Variants in FAM171B observed in about 807,000 individuals in gnomAD.
FAM171B encodes family with sequence similarity 171 member B.
FAM171B carries 19 observed loss-of-function variants against 75.6 expected under a neutral mutation model. The ratio of observed to expected loss-of-function variants is 0.25; its 90% CI spans 0.18 to 0.37. The LOEUF is 0.37. Among genes scored for constraint, FAM171B ranks in the 10% least tolerant of loss-of-function variants. The pLI, the probability that FAM171B is intolerant of heterozygous loss-of-function variation, is 1.00. For synonymous variants in FAM171B, 367 were observed against 361.7 expected, an observed-to-expected ratio of 1.01 and a Z score of -0.17; for missense variants, 848 against 982.4, an observed-to-expected ratio of 0.86 and a Z score of 1.83.
chr2:186,761,513 A>T lies in FAM171B; in HGVS notation c.1171A>T (p.Asn391Tyr). ...KCGTPQKRER[N>Y]ITKLEVLKRD... ...TGGTACTCCACAGAAAAGAGAAAGAAATATCACTAAACTTGAGGTCCTCAA... is the reference window on the plus strand; with the variant it reads ...TGGTACTCCACAGAAAAGAGAAAGATATATCACTAAACTTGAGGTCCTCAA... Residue 391 changes from asparagine to tyrosine, a missense_variant, in exon 8 of 8, where the codon AAT becomes TAT. By Grantham distance (143) the Asn-to-Tyr change is moderately radical (BLOSUM62 -2). Transcript: ENST00000304698. The T allele has an allele frequency of 1.3e-6, 2 of 1,586,074 alleles. No homozygotes were observed. The highest frequency in any genetic ancestry group is 8.5e-7 in the Non-Finnish European group (1 of 1,171,902).
intron 4 of FAM171B, 70 bp downstream of exon 4, chr2:186,747,320 G>A: frequency 1.8e-6 from 2 of 1,103,040 alleles, no homozygotes; most frequent in Non-Finnish European, 2.5e-6. Context: ...CAAATATTTA[G>A]CTATCTATAA....
At chr2:186,754,084 A>G in intron 6 of FAM171B, 35 bp downstream of exon 6, 1 of 1,476,038 alleles carries the variant, frequency 6.8e-7, no homozygotes, top group Admixed American at 1.9e-5. Context: ...AAAACATGTA[A>G]TTCAAATAGT....
chr2:186,732,356 C>T (rs972292618), intron 1 of FAM171B, among the ~76,000 whole-genome samples: 2 of 151,884 alleles, frequency 1.3e-5, no homozygotes, highest in South Asian at 2.1e-4. Flanking sequence ...GTAGTGTCAC[C>T]CCAAGCCCCA....
At chr2:186,727,602 G>T (rs1053914549) in intron 1 of FAM171B, among the ~76,000 whole-genome samples, 1 of 152,166 alleles carries the variant, frequency 6.6e-6, no homozygotes. Flanking sequence ...TACAAAATCA[G>T]AGTGGGTCAG....
chr2:186,706,006 C>G (rs1689728924), intron 1 of FAM171B, among the ~76,000 whole-genome samples: 1 of 152,170 alleles, frequency 6.6e-6, no homozygotes, highest in Non-Finnish European at 1.5e-5. Context: ...TCCAGAAACT[C>G]TCTGCATTTT....
Position 186,762,774 on chromosome 2 carries a change from C to T in FAM171B, c.2432C>T (p.Thr811Ile). 6.2e-7 allele frequency: 1 copy of T among 1,613,204 alleles called. No individual in the cohort carries two copies. Among genetic ancestry groups the T allele is most frequent in the Non-Finnish European group, 8.5e-7 (1 of 1,179,518 alleles). The change falls in exon 8 of 8, where the codon ACT becomes ATT. Residue 811 changes from threonine (T) to isoleucine (I), a missense_variant. Thr to Ile is a moderately conservative substitution (Grantham distance 89). Coordinates refer to ENST00000304698, the MANE Select transcript of FAM171B (RefSeq NM_177454.4). This position sits in a 1 kb window ranked among gnomAD's most constrained non-coding sequence, Gnocchi z 4.0. Reference protein sequence around the residue: ...RPPLAKRDSKTNIWKKREERP... With the variant: ...RPPLAKRDSKINIWKKREERP... ...CCACTAGCCAAAAGAGATAGCAAGACTAACATCTGGAAGAAGCGAGAGGAA... is the reference window on the plus strand; with the variant it reads ...CCACTAGCCAAAAGAGATAGCAAGATTAACATCTGGAAGAAGCGAGAGGAA...
At chr2:186,750,611 G>A (rs930468416) in intron 4 of FAM171B, among the ~76,000 whole-genome samples, 1 of 148,334 alleles carries the variant, frequency 6.7e-6, no homozygotes, top group Non-Finnish European at 1.5e-5. Context: ...TGCTTTTTAT[G>A]TAAGAAGTGC....
intron 4 of FAM171B, 78 bp from the exon 5 acceptor site, chr2:186,751,056 T>C (rs1471088365): frequency 1.8e-6 from 2 of 1,104,850 alleles, no homozygotes; most frequent in Admixed American, 4.7e-5. Context: ...AGAGGAACTA[T>C]TTATTTTAGA....
chr2:186,729,764 A>T (rs1690086725), intron 1 of FAM171B, among the ~76,000 whole-genome samples: 1 of 152,084 alleles, frequency 6.6e-6, no homozygotes. Flanking sequence ...AGGCTCAGAG[A>T]GTCAGTGAAT....
In FAM171B at chr2:186,705,892, C is replaced by T. The variant is rs568903820; in HGVS notation, c.238+11481C>T. Among the ~76,000 whole-genome samples the T allele has an allele frequency of 5.9e-4, 90 of 152,298 alleles. 1 individual carries two copies. The highest frequency in any genetic ancestry group is 1.9e-3 in the Admixed American group (29 of 15,296). On this transcript the variant is annotated intron_variant, in intron 1 of 7. Transcript: ENST00000304698. ...ATGTAATAAATATCTTCTGATAAAT[C>T]GCATGACTTGAAATTGATTCATATC...
At chr2:186,716,319 CTCTTT>C (rs1430450442) in intron 1 of FAM171B, among the ~76,000 whole-genome samples, 1 of 152,198 alleles carries the variant, frequency 6.6e-6, no homozygotes, top group Non-Finnish European at 1.5e-5. Flanking sequence ...TGGCCTCTCT[CTCTTT>C]TAAGAAATAA....
At chr2:186,716,404 G>A (rs1346022152) in intron 1 of FAM171B, among the ~76,000 whole-genome samples, 2 of 152,100 alleles carry the variant, frequency 1.3e-5, no homozygotes, top group Non-Finnish European at 2.9e-5. Context: ...TCACTGTCTT[G>A]AATTGGTGTC....
Position 186,762,532 on chromosome 2 carries a change from G to C in FAM171B, c.2190G>C (p.Met730Ile). The C allele has an allele frequency of 6.2e-7, 1 of 1,613,562 alleles. No individual in the cohort carries two copies. The highest frequency in any genetic ancestry group is 8.5e-7 in the Non-Finnish European group (1 of 1,179,716). Residue 730 changes from methionine (M) to isoleucine (I), a missense_variant, in exon 8 of 8, where the codon ATG becomes ATC. By Grantham distance (10) the Met-to-Ile change is conservative. Transcript: ENST00000304698. The surrounding 1 kb of genome is among the most constrained non-coding windows in gnomAD (Gnocchi z 4.0). ...LEREKTFIKS[M>I]HQPKILYLED... ...GGGAGAAAACATTCATCAAAAGCATGCATCAGCCCAAGATCCTTTACTTAG... is the reference window on the plus strand; with the variant it reads ...GGGAGAAAACATTCATCAAAAGCATCCATCAGCCCAAGATCCTTTACTTAG...
chr2:186,748,310 C>CTT (rs74268937), intron 4 of FAM171B, among the ~76,000 whole-genome samples: 71 of 140,730 alleles, frequency 5.0e-4, no homozygotes, highest in South Asian at 3.2e-3. Context: ...CTGATAGTTT[C>CTT]TTTTTTTTTT....
chr2:186,742,843 A>T (rs920171588), intron 2 of FAM171B, among the ~76,000 whole-genome samples: 11 of 152,222 alleles, frequency 7.2e-5, no homozygotes, highest in African/African-American at 2.4e-4. Flanking sequence ...TTGAAATAAT[A>T]TCTTTCAGGT....
Position 186,761,638 on chromosome 2 carries a change from C to T in FAM171B, c.1296C>T (p.Asn432=). 1 of 1,613,180 alleles carries T rather than the reference C, an allele frequency of 6.2e-7. No homozygotes were observed. Among genetic ancestry groups the T allele is most frequent in the African/African-American group, 1.3e-5 (1 of 74,980 alleles). The part of the protein sequence containing the change: ...EDKSQLFNAK[N]SSYSPQKKEP... ...AGTCGCAGTTATTCAATGCCAAAAACTCCTCATATAGTCCTCAGAAAAAGG... is the reference window on the plus strand; with the variant it reads ...AGTCGCAGTTATTCAATGCCAAAAATTCCTCATATAGTCCTCAGAAAAAGG... Residue 432 remains asparagine (N), a synonymous_variant, in exon 8 of 8, where the codon AAC becomes AAT. Transcript: ENST00000304698.
Position 186,762,936 on chromosome 2 carries a change from A to G in FAM171B, c.*113A>G, listed in dbSNP as rs147705118. On this transcript the variant is annotated 3_prime_UTR_variant, in exon 8 of 8. Coordinates refer to ENST00000304698, the MANE Select transcript of FAM171B (RefSeq NM_177454.4). This position sits in a 1 kb window ranked among gnomAD's most constrained non-coding sequence, Gnocchi z 4.0. ...CTGAGCAATCTCATGGTTCTTGGAC[A>G]TGTCTCAAGCAGAGTAAATGGTAAT... The G allele has an allele frequency of 9.1e-5, 118 of 1,295,360 alleles. No homozygotes were observed. The African/African-American group carries it at 1.2e-3, about 13-fold the overall frequency. 80.2% of individuals were successfully genotyped at this position (1,295,360 alleles called of 1,614,324 possible).
chr2:186,751,352 A>G (rs775077122), intron 5 of FAM171B, 48 bp downstream of exon 5: 29 of 1,433,336 alleles, frequency 2.0e-5, no homozygotes, highest in East Asian at 2.3e-5. Context: ...ATATTTGTCA[A>G]TTGACTAGCT....
Position 186,762,591 on chromosome 2 carries a change from C to T in FAM171B, c.2249C>T (p.Thr750Ile), listed in dbSNP as rs1272772674. 6.2e-7 allele frequency: 1 copy of T among 1,613,262 alleles called. No individual in the cohort carries two copies. The highest frequency in any genetic ancestry group is 1.3e-5 in the African/African-American group (1 of 74,788). ...DLDLSSSESG[T>I]TVCSPEDPAL... ...GACCTAAGCAGCAGTGAGAGTGGAA[C>T]CACCGTCTGTTCCCCTGAGGACCCA... The change falls in exon 8 of 8, where the codon ACC becomes ATC. Residue 750 changes from threonine to isoleucine, a missense_variant. Coordinates refer to ENST00000304698, the MANE Select transcript of FAM171B (RefSeq NM_177454.4). The surrounding 1 kb of genome is among the most constrained non-coding windows in gnomAD (Gnocchi z 4.0).
Sources: gnomAD v4.1 joint callset for allele counts (sites outside exome capture counted in the v4.1 genomes callset) on GRCh38, gnomAD v4.1.1 for gene constraint, Gnocchi (gnomAD v3.1) non-coding constraint, MANE v1.5 for transcripts, NCBI Gene and HGNC (gene_info 2026-07-23, HGNC 2026-07-21) for gene names.